ZNF638: variants seen among roughly 807,000 people sequenced by gnomAD.
The protein encoded by ZNF638 is CTCL tumor antigen se33-1.
ZNF638 carries 46 observed loss-of-function variants against 195.6 expected under a neutral mutation model. The observed-to-expected ratio is 0.24, with a 90% CI of 0.19 to 0.30. The LOEUF is 0.30. Among genes scored for constraint, ZNF638 ranks in the 10% least tolerant of loss-of-function variants. The probability of loss-of-function intolerance (pLI) is 1.00; values close to 1 mark genes in which losing one functional copy is unlikely to be tolerated. For synonymous variants in ZNF638, 845 were observed against 772.0 expected, an observed-to-expected ratio of 1.09 and a Z score of -1.57; for missense variants, 2,440 against 2,325.3, an observed-to-expected ratio of 1.05 and a Z score of -1.01.
chr2:71,418,392 A>G (rs2080349261), intron 20 of ZNF638: 2 of 369,138 alleles, frequency 5.4e-6, no homozygotes, highest in South Asian at 1.3e-4. Flanking sequence ...TCATTAATAT[A>G]AGTTATTGTG....
chr2:71,361,350 C>G (rs1243308402), intron 3 of ZNF638, among the ~76,000 whole-genome samples: 1 of 152,200 alleles, frequency 6.6e-6, no homozygotes, highest in Non-Finnish European at 1.5e-5. Context: ...TGTTAATCAC[C>G]TTCATTTCCA....
chr2:71,435,022 G>T lies in ZNF638; in HGVS notation c.*215G>T, dbSNP rs959272958. The T allele has an allele frequency of 7.0e-6, 3 of 429,952 alleles. No homozygotes were observed. Among genetic ancestry groups the T allele is most frequent in the African/African-American group, 4.1e-5 (2 of 48,194 alleles). The allele number at this position is 429,952 out of a possible 1,614,324, so 26.6% of individuals were successfully genotyped here. A position where few individuals can be genotyped will look rare whatever the true frequency, so the allele number is the denominator to read the frequency against. On this transcript the variant is annotated 3_prime_UTR_variant, in exon 28 of 28. Transcript: ENST00000264447. ...AGGCATGGAGAAATATCTTTTAGAA[G>T]TGTTAAAATAAATGTTCCTACTGTA...
At chr2:71,422,520 C>T (rs946455122) in intron 21 of ZNF638, among the ~76,000 whole-genome samples, 4 of 152,122 alleles carry the variant, frequency 2.6e-5, no homozygotes, top group Non-Finnish European at 4.4e-5. Context: ...CACATTTGAC[C>T]TTTCAATGTC....
In ZNF638 at chr2:71,427,322, A is replaced by T. The variant is rs1241882231; in HGVS notation, c.5453A>T (p.Lys1818Met). 6.2e-7 allele frequency: 1 copy of T among 1,610,432 alleles called. No homozygotes were observed. The highest frequency in any genetic ancestry group is 1.3e-5 in the African/African-American group (1 of 74,536). Residue 1818 changes from lysine (K) to methionine (M), a missense_variant, in exon 24 of 28, where the codon AAG (lysine) becomes ATG (methionine). Physicochemically the swap from Lys to Met is moderately conservative, Grantham distance 95 (BLOSUM62 -1). Transcript: ENST00000264447. ...NRKKRAVDTKKTKLESLSQVG... is the reference protein window; with the variant it reads ...NRKKRAVDTKMTKLESLSQVG... ...AAGAAGAGAGCTGTGGACACAAAAA[A>T]GACAAAACTTGAATCCTTGTCCCAA...
At chr2:71,411,748 A>G (rs1250622692) in intron 20 of ZNF638, among the ~76,000 whole-genome samples, 38 of 62,762 alleles carry the variant, frequency 6.1e-4, no homozygotes, top group Non-Finnish European at 9.7e-4. Context: ...TTCTTGCGAT[A>G]GTTTACTGAG....
At chr2:71,363,367 C>G (rs888308506) in intron 4 of ZNF638, among the ~76,000 whole-genome samples, 176 bp downstream of exon 4, 1 of 152,192 alleles carries the variant, frequency 6.6e-6, no homozygotes, top group African/African-American at 2.4e-5. Flanking sequence ...AGCCCCTCCC[C>G]TGATCTACTT....
intron 11 of ZNF638, among the ~76,000 whole-genome samples, chr2:71,397,577 A>G (rs2079919469): frequency 6.6e-6 from 1 of 152,198 alleles, no homozygotes; most frequent in African/African-American, 2.4e-5. Flanking sequence ...ACCCTTATGT[A>G]TAGGGAAATG....
Position 71,398,705 on chromosome 2 carries a change from A to G in ZNF638, c.2433A>G (p.Lys811=), listed in dbSNP as rs2079944848. The change falls in exon 12 of 28, where the codon AAA becomes AAG. Residue 811 remains lysine, a synonymous_variant. Coordinates refer to ENST00000264447, the MANE Select transcript of ZNF638 (RefSeq NM_014497.5). ...ACTGCATCTTTTGTGATTTAGGGAA[A>G]TCAGCAAGTTCTGTAAAATCTGTGG... ...SVAKVNKSTG[K]SASSVKSVVT... The G allele has an allele frequency of 1.9e-6, 3 of 1,613,222 alleles. No individual in the cohort carries two copies. The highest frequency in any genetic ancestry group is 1.3e-5 in the African/African-American group (1 of 74,900).
intron 3 of ZNF638, among the ~76,000 whole-genome samples, chr2:71,360,198 A>T (rs2079085477): frequency 6.6e-6 from 1 of 152,218 alleles, no homozygotes; most frequent in Non-Finnish European, 1.5e-5. Flanking sequence ...GAAGAAAAAC[A>T]TTTATGTGTT....
chr2:71,371,707 T>G (rs398044150), intron 8 of ZNF638, among the ~76,000 whole-genome samples: 2 of 150,452 alleles, frequency 1.3e-5, no homozygotes, highest in African/African-American at 2.5e-5. Flanking sequence ...TATTAGTTTT[T>G]TTTTTTCCTG....
intron 10 of ZNF638, chr2:71,393,389 C>T: frequency 1.4e-6 from 1 of 718,442 alleles, no homozygotes; most frequent in South Asian, 1.5e-5. Flanking sequence ...TCACACCCCC[C>T]TCAGGCCCTC....
At chr2:71,360,056 C>T (rs1273940778) in intron 3 of ZNF638, among the ~76,000 whole-genome samples, 2 of 152,150 alleles carry the variant, frequency 1.3e-5, no homozygotes, top group Non-Finnish European at 2.9e-5. Flanking sequence ...AGAAGTGAGG[C>T]ACAGAGACAA....
intron 25 of ZNF638, among the ~76,000 whole-genome samples, chr2:71,429,936 G>C (rs1319160441): frequency 1.3e-5 from 2 of 152,134 alleles, no homozygotes; most frequent in Non-Finnish European, 2.9e-5. Flanking sequence ...GCTATAGGTG[G>C]TGGTTCAGTA....
chr2:71,332,513 T>C (rs2078590670), intron 1 of ZNF638, among the ~76,000 whole-genome samples: 1 of 152,094 alleles, frequency 6.6e-6, no homozygotes, highest in South Asian at 2.1e-4. Flanking sequence ...CCAAAGAAAA[T>C]ATCACCTCTG....
rs747049488 is a variant in ZNF638 at position 71,423,752 on chromosome 2, A to G, written c.4238A>G (p.Asn1413Ser). The change falls in exon 22 of 28, where the codon AAT becomes AGT. Residue 1413 changes from asparagine (N) to serine (S), a missense_variant. This residue lies in a region of ZNF638 where 1,883 missense variants were observed against 1,739.1 expected (regional missense o/e 1.08). Transcript: ENST00000264447. ...KAKATVSKTENQKSFPKSVPR... is the reference protein window; with the variant it reads ...KAKATVSKTESQKSFPKSVPR... Reference sequence around the variant, plus strand: ...AAAGCTACAGTTTCAAAAACTGAAAATCAGAAAAGTTTTCCAAAATCTGTG... The same window carrying G: ...AAAGCTACAGTTTCAAAAACTGAAAGTCAGAAAAGTTTTCCAAAATCTGTG... 25 of 1,613,882 alleles carry G rather than the reference A, an allele frequency of 1.5e-5. No homozygotes were observed. The African/African-American group carries it at 2.4e-4, about 16-fold the overall frequency.
At chr2:71,362,669 A>G (rs1304081381) in intron 3 of ZNF638, among the ~76,000 whole-genome samples, 1 of 152,202 alleles carries the variant, frequency 6.6e-6, no homozygotes, top group East Asian at 1.9e-4. Flanking sequence ...TCCTATTAAT[A>G]GATCTTTGTA....
intron 25 of ZNF638, among the ~76,000 whole-genome samples, chr2:71,429,468 T>C (rs2080610838): frequency 6.6e-6 from 1 of 152,186 alleles, no homozygotes; most frequent in South Asian, 2.1e-4. Flanking sequence ...TGCTTTCGTT[T>C]TTATTTGCCA....
At chr2:71,381,395 G>A (rs1353931903) in intron 10 of ZNF638, among the ~76,000 whole-genome samples, 2 of 152,070 alleles carry the variant, frequency 1.3e-5, no homozygotes, top group African/African-American at 4.8e-5. Context: ...GTTGTATAGA[G>A]TATTGAAGTA....
chr2:71,380,761 A>G (rs2079521980), intron 10 of ZNF638, 196 bp downstream of exon 10: 2 of 423,126 alleles, frequency 4.7e-6, no homozygotes, highest in Middle Eastern at 4.9e-4. Context: ...TGGAGTAAAT[A>G]CAACAAATCT....
Sources: gnomAD v4.1 joint callset for allele counts (sites outside exome capture counted in the v4.1 genomes callset) on GRCh38, gnomAD v4.1.1 for gene constraint, gnomAD v4.1.1 regional missense constraint, MANE v1.5 for transcripts, NCBI Gene and HGNC (gene_info 2026-07-23, HGNC 2026-07-21) for gene names.